Variants in ASXL3 observed in about 807,000 individuals in gnomAD.
ASXL3 encodes ASXL transcriptional regulator 3.
A neutral mutation model predicts 170.6 loss-of-function variants in ASXL3; 34 were observed. The observed-to-expected ratio is 0.20, with a 90% CI of 0.15 to 0.27. The LOEUF (loss-of-function observed/expected upper bound fraction) is 0.27. Among genes scored for constraint, ASXL3 ranks in the 10% least tolerant of loss-of-function variants. The pLI is 1.00. For missense variants in ASXL3, 2,592 were observed against 2,695.3 expected (o/e 0.96, Z 0.85); for synonymous variants, 1,002 against 989.1 (o/e 1.01, Z -0.24).
intron 7 of ASXL3, among the ~76,000 whole-genome samples, chr18:33,682,127 G>A (rs1442273248): frequency 6.6e-6 from 1 of 152,152 alleles, no homozygotes; most frequent in African/African-American, 2.4e-5. Context: ...AAATACTATA[G>A]GCTTTACAGG....
At chr18:33,598,196 G>A (rs1209643310) in intron 1 of ASXL3, among the ~76,000 whole-genome samples, 1 of 152,116 alleles carries the variant, frequency 6.6e-6, no homozygotes, top group East Asian at 1.9e-4. Flanking sequence ...TATACTAGTA[G>A]TAGTAAAATA....
At chr18:33,681,679 A>G (rs2066518190) in intron 7 of ASXL3, among the ~76,000 whole-genome samples, 1 of 151,916 alleles carries the variant, frequency 6.6e-6, no homozygotes, top group South Asian at 2.1e-4. Context: ...TTTGGTATGT[A>G]GCTTTATTTA....
rs867819433 is a variant in ASXL3 at position 33,746,047 on chromosome 18, C to A, written c.6199C>A (p.Leu2067Ile). Residue 2067 changes from leucine (L) to isoleucine (I), a missense_variant, in exon 12 of 12, where the codon CTT becomes ATT. Coordinates refer to ENST00000269197, the MANE Select transcript of ASXL3 (RefSeq NM_030632.3). The part of the protein sequence containing the change: ...PPVTMETTKR[L>I]SWPQSTGICS... ...AGTTACCATGGAAACCACTAAGAGA[C>A]TTAGTTGGCCACAGTCCACGGGCAT... 15 of 1,612,758 alleles carry A rather than the reference C, an allele frequency of 9.3e-6. No individual in the cohort carries two copies. In the Middle Eastern group the frequency reaches 8.2e-4, roughly 89 times the overall value.
chr18:33,610,626 G>C (rs537005937), intron 2 of ASXL3, among the ~76,000 whole-genome samples: 14 of 152,062 alleles, frequency 9.2e-5, no homozygotes, highest in African/African-American at 3.4e-4. Flanking sequence ...GCCTGTGTGT[G>C]AGCTCCTTAA....
chr18:33,694,323 T>C (rs1009091453), intron 8 of ASXL3, among the ~76,000 whole-genome samples: 2 of 152,186 alleles, frequency 1.3e-5, no homozygotes, highest in African/African-American at 4.8e-5. Context: ...GAATTTGTAC[T>C]TTATAAAATG....
chr18:33,735,811 T>C (rs879836435), intron 10 of ASXL3, among the ~76,000 whole-genome samples: 2 of 152,174 alleles, frequency 1.3e-5, no homozygotes, highest in Non-Finnish European at 2.9e-5. Flanking sequence ...TAATTTAATG[T>C]ATTTATCTAA....
At chr18:33,631,681 C>A (rs1034937820) in intron 2 of ASXL3, among the ~76,000 whole-genome samples, 1 of 152,058 alleles carries the variant, frequency 6.6e-6, no homozygotes. Flanking sequence ...AACTTGGTTG[C>A]ACATTTGAAT....
At chr18:33,733,778 C>T (rs1338131245) in intron 9 of ASXL3, among the ~76,000 whole-genome samples, 1 of 152,158 alleles carries the variant, frequency 6.6e-6, no homozygotes, top group Non-Finnish European at 1.5e-5. Flanking sequence ...ATTTGTATCT[C>T]TGTGCCTTGT....
chr18:33,718,777 TA>T (rs983627721), intron 8 of ASXL3, among the ~76,000 whole-genome samples: 2 of 151,696 alleles, frequency 1.3e-5, no homozygotes, highest in Non-Finnish European at 2.9e-5. Context: ...TTATGTAATA[TA>T]AAAAAATCAA....
chr18:33,724,101 T>G lies in ASXL3; in HGVS notation c.880-7867T>G, dbSNP rs149088829. ...TATGTGACTTACTTTTTTGCAACAT[T>G]CACTTTATTGTCGTAGTTTGGAACT... On this transcript the variant is annotated intron_variant, in intron 8 of 11. Coordinates refer to ENST00000269197, the MANE Select transcript of ASXL3 (RefSeq NM_030632.3). Among the ~76,000 whole-genome samples the G allele has an allele frequency of 2.8e-3, 431 of 152,306 alleles. 2 individuals carry two copies. Among genetic ancestry groups the G allele is most frequent in the Non-Finnish European group, 3.5e-3 (240 of 68,002 alleles).
At chr18:33,612,908 G>A (rs1254665713) in intron 2 of ASXL3, among the ~76,000 whole-genome samples, 2 of 151,948 alleles carry the variant, frequency 1.3e-5, no homozygotes, top group African/African-American at 4.8e-5. Flanking sequence ...TGTTTGTGTT[G>A]GGCATTTTAG....
At chr18:33,718,281 CCATA>C (rs1205859867) in intron 8 of ASXL3, among the ~76,000 whole-genome samples, 1 of 152,058 alleles carries the variant, frequency 6.6e-6, no homozygotes, top group African/African-American at 2.4e-5. Context: ...GACCCATATC[CCATA>C]CACTCAAACA....
intron 1 of ASXL3, among the ~76,000 whole-genome samples, chr18:33,585,239 G>A (rs189783942): frequency 4.9e-4 from 75 of 151,954 alleles, no homozygotes; most frequent in Middle Eastern, 3.4e-3. Flanking sequence ...CAGGAGGAGG[G>A]GCATCTGTAT....
intron 2 of ASXL3, among the ~76,000 whole-genome samples, chr18:33,617,598 T>G (rs2065446667): frequency 6.6e-6 from 1 of 152,208 alleles, no homozygotes; most frequent in African/African-American, 2.4e-5. Flanking sequence ...TGTATATTGA[T>G]GCCTCAAGGC....
chr18:33,667,188 T>C (rs917542660), intron 5 of ASXL3, among the ~76,000 whole-genome samples: 3 of 152,186 alleles, frequency 2.0e-5, no homozygotes, highest in Non-Finnish European at 4.4e-5. Context: ...AAGGTTATGA[T>C]GTCATGGCTA....
Position 33,615,613 on chromosome 18 carries a change from G to C in ASXL3, c.137+7937G>C, listed in dbSNP as rs559724733. ...TTGTAAAAAATGCAATATCTGCGAAGCATAATAAAGTGAAACACACAAAAC... is the reference window on the plus strand; with the variant it reads ...TTGTAAAAAATGCAATATCTGCGAACCATAATAAAGTGAAACACACAAAAC... On this transcript the variant is annotated intron_variant, in intron 2 of 11. Transcript: ENST00000269197. 2.2e-4 allele frequency among the ~76,000 whole-genome samples: 34 copies of C among 152,242 alleles called. No homozygotes were observed. In the South Asian group the frequency reaches 5.4e-3, roughly 24 times the overall value.
chr18:33,662,801 A>G (rs1365189495), intron 5 of ASXL3, among the ~76,000 whole-genome samples: 1 of 152,180 alleles, frequency 6.6e-6, no homozygotes, highest in Admixed American at 6.5e-5. Flanking sequence ...ATCACAAGGA[A>G]AAGAAAAATT....
intron 8 of ASXL3, among the ~76,000 whole-genome samples, chr18:33,693,842 T>C (rs2066728126): frequency 6.6e-6 from 1 of 152,184 alleles, no homozygotes; most frequent in Admixed American, 6.5e-5. Flanking sequence ...AGGAGACTTG[T>C]AAGGTTCTTG....
At chr18:33,588,065 G>T (rs1197012542) in intron 1 of ASXL3, among the ~76,000 whole-genome samples, 2 of 152,092 alleles carry the variant, frequency 1.3e-5, no homozygotes, top group African/African-American at 2.4e-5. Context: ...GTGTGTATGT[G>T]TGTGTATATA....
Sources: gnomAD v4.1 joint callset for allele counts (sites outside exome capture counted in the v4.1 genomes callset) on GRCh38, gnomAD v4.1.1 for gene constraint, MANE v1.5 for transcripts, NCBI Gene and HGNC (gene_info 2026-07-23, HGNC 2026-07-21) for gene names.